Variants in COL28A1 observed in about 807,000 individuals in gnomAD.
COL28A1 encodes collagen type XXVIII alpha 1 chain, also known as collagen alpha-1(XXVIII) chain.
Under a neutral mutation model 150.2 loss-of-function variants are expected in COL28A1, and 161 were observed. The observed-to-expected ratio is 1.07, with a 90% CI of 0.94 to 1.22. The LOEUF (loss-of-function observed/expected upper bound fraction) is 1.22, where lower values mean the gene tolerates loss of function less well. Among genes scored for constraint, COL28A1 ranks in the 50% most tolerant of loss-of-function variants. The pLI is 0.00. For missense variants in COL28A1, 1,617 were observed against 1,388.3 expected, an observed-to-expected ratio of 1.16 and a Z score of -2.62; for synonymous variants, 552 against 469.7, an observed-to-expected ratio of 1.18 and a Z score of -2.26.
chr7:7,383,303 G>C (rs1781987557), intron 27 of COL28A1, among the ~76,000 whole-genome samples: 1 of 146,472 alleles, frequency 6.8e-6, no homozygotes, highest in Admixed American at 6.8e-5. Context: ...TTTTGAGACA[G>C]AGTCTCACTC....
At chr7:7,500,654 C>T (rs1780469563) in intron 11 of COL28A1, among the ~76,000 whole-genome samples, 1 of 152,182 alleles carries the variant, frequency 6.6e-6, no homozygotes, top group South Asian at 2.1e-4. Flanking sequence ...CTTACCAAAA[C>T]CCTTTTTCAT....
rs563745992 is a variant in COL28A1, at chr7:7,383,445, A to C, written c.2137-1833T>G. On this transcript the variant is annotated intron_variant, in intron 27 of 34. Coordinates refer to ENST00000399429, the MANE Select transcript of COL28A1 (RefSeq NM_001037763.3). ...AGGTGTGTGCCACTATGCCTGGCTA[A>C]TTTTTGTATTTTTAGTAGAGACAGG... is the stretch of plus-strand genomic sequence containing the variant. 4.2e-4 allele frequency among the ~76,000 whole-genome samples: 64 copies of C among 151,532 alleles called. No homozygotes were observed. The Middle Eastern group carries it at 0.01, about 24-fold the overall frequency.
intron 25 of COL28A1, among the ~76,000 whole-genome samples, chr7:7,420,599 T>C (rs1253599974): frequency 1.3e-5 from 2 of 152,254 alleles, no homozygotes; most frequent in Non-Finnish European, 2.9e-5. Context: ...TATATGTTAT[T>C]TGATATAATT....
At chr7:7,499,025 C>G (rs1034625684) in intron 11 of COL28A1, among the ~76,000 whole-genome samples, 1 of 152,048 alleles carries the variant, frequency 6.6e-6, no homozygotes, top group African/African-American at 2.4e-5. Flanking sequence ...CCCACATGTT[C>G]TGGCAGCCAC....
Position 7,524,255 on chromosome 7 carries a change from AG to A in COL28A1, c.682-7del. Reference sequence around the variant, plus strand: ...TTCTTTTCAAATAAGATATCCTACAAGGGAAAAAAGAATGAAGCATTAACTC... The same window carrying A: ...TTCTTTTCAAATAAGATATCCTACAAGGAAAAAAGAATGAAGCATTAACTC... On this transcript the variant is annotated splice_polypyrimidine_tract_variant and splice_region_variant and intron_variant, in intron 3 of 34. Coordinates refer to ENST00000399429, the MANE Select transcript of COL28A1 (RefSeq NM_001037763.3). 7.4e-7 allele frequency: 1 copy of A among 1,345,206 alleles called. No individual in the cohort carries two copies. The highest frequency in any genetic ancestry group is 1.1e-6 in the Non-Finnish European group (1 of 935,118). The allele number at this position is 1,345,206 out of a possible 1,614,324, so 83.3% of individuals were successfully genotyped here. A position where few individuals can be genotyped will look rare whatever the true frequency, so the allele number is the denominator to read the frequency against.
intron 27 of COL28A1, among the ~76,000 whole-genome samples, chr7:7,391,072 G>T (rs34977692): frequency 0.1 from 15,948 of 152,156 alleles, 901 homozygotes; most frequent in Middle Eastern, 0.16. Context: ...CGATGTTAGG[G>T]TGTCGATTTT....
intron 6 of COL28A1, 32 bp from the exon 7 acceptor site, chr7:7,517,869 C>G: frequency 6.2e-7 from 1 of 1,613,068 alleles, no homozygotes; most frequent in Non-Finnish European, 8.5e-7. Context: ...AAAAATTCCA[C>G]AGCCCTGAAG....
At chr7:7,451,565 A>T (rs938636568) in intron 18 of COL28A1, among the ~76,000 whole-genome samples, 1 of 152,010 alleles carries the variant, frequency 6.6e-6, no homozygotes, top group Non-Finnish European at 1.5e-5. Flanking sequence ...ATTGCACGTC[A>T]TAAGTAGTGA....
At chr7:7,493,057 A>AAT (rs59416586) in intron 11 of COL28A1, among the ~76,000 whole-genome samples, 3,684 of 146,056 alleles carry the variant, frequency 0.025, 57 homozygotes, top group African/African-American at 0.042. Context: ...ATTAATATAT[A>AAT]ATATATATAT....
chr7:7,521,950 C>T lies in COL28A1; in HGVS notation c.714G>A (p.Lys238=). The change falls in exon 5 of 35, where the codon AAG becomes AAA. Residue 238 remains lysine (K), a synonymous_variant. Coordinates refer to ENST00000399429, the MANE Select transcript of COL28A1 (RefSeq NM_001037763.3). ...DILFEKKCER[K]ICECEKGDPG... ...GATCTCCCTTCTCACATTCACAAAT[C>T]TTGCGTTCACACTGAATCAATAATG... The T allele has an allele frequency of 9.2e-7, 1 of 1,086,450 alleles. No homozygotes were observed. The highest frequency in any genetic ancestry group is 2.3e-5 in the East Asian group (1 of 42,586). The allele number at this position is 1,086,450 out of a possible 1,614,324, so 67.3% of individuals were successfully genotyped here.
At chr7:7,501,652 C>T (rs1025020442) in intron 11 of COL28A1, among the ~76,000 whole-genome samples, 20 of 152,164 alleles carry the variant, frequency 1.3e-4, no homozygotes, top group African/African-American at 4.6e-4. Flanking sequence ...ACTTGAAAGG[C>T]CTACCAATCA....
intron 13 of COL28A1, among the ~76,000 whole-genome samples, chr7:7,478,182 T>G (rs1375536615): frequency 2.0e-5 from 3 of 152,104 alleles, no homozygotes; most frequent in Non-Finnish European, 4.4e-5. Flanking sequence ...TCACAAACCC[T>G]GAGCTAGACA....
chr7:7,451,059 G>A (rs985672756), intron 18 of COL28A1, among the ~76,000 whole-genome samples: 16 of 152,020 alleles, frequency 1.1e-4, no homozygotes, highest in African/African-American at 3.9e-4. Flanking sequence ...AGAGAAGGGA[G>A]GGCAGTGGGA....
intron 11 of COL28A1, among the ~76,000 whole-genome samples, chr7:7,497,325 C>T (rs1188541380): frequency 6.6e-6 from 1 of 152,192 alleles, no homozygotes; most frequent in Non-Finnish European, 1.5e-5. Context: ...ACATATGGCA[C>T]TTACTATGCA....
At chr7:7,408,732 G>T (rs1231172396) in intron 27 of COL28A1, among the ~76,000 whole-genome samples, 16 of 151,958 alleles carry the variant, frequency 1.1e-4, no homozygotes, top group Non-Finnish European at 4.4e-5. Flanking sequence ...ACTGTACTTA[G>T]GGAAAAAGAA....
At chr7:7,380,099 G>T (rs1781785861) in intron 30 of COL28A1, among the ~76,000 whole-genome samples, 1 of 152,070 alleles carries the variant, frequency 6.6e-6, no homozygotes, top group Non-Finnish European at 1.5e-5. Context: ...CAGAAAGGAA[G>T]AATGAGACTT....
chr7:7,536,579 A>C (rs1391236872), upstream of COL28A1, among the ~76,000 whole-genome samples: 1 of 152,126 alleles, frequency 6.6e-6, no homozygotes, highest in African/African-American at 2.4e-5. Context: ...GGTCCATATT[A>C]AGTCAATGTT....
intron 11 of COL28A1, among the ~76,000 whole-genome samples, chr7:7,492,725 A>G (rs1176901526): frequency 6.6e-6 from 1 of 151,758 alleles, no homozygotes; most frequent in Admixed American, 6.6e-5. Context: ...AAACAAAGGA[A>G]TCCTGCCTCA....
At chr7:7,440,751 A>G (rs16878052) in intron 21 of COL28A1, 39 bp downstream of exon 21, 118,893 of 850,110 alleles carry the variant, frequency 0.14, 9,780 homozygotes, top group African/African-American at 0.31. Context: ...GACACAATAC[A>G]AACTCCTCAA....
Sources: allele counts gnomAD v4.1 joint callset (sites outside exome capture counted in the v4.1 genomes callset), GRCh38; gene constraint gnomAD v4.1.1; transcripts MANE v1.5; gene names NCBI Gene and HGNC (gene_info 2026-07-23, HGNC 2026-07-21).